ABI1: variants seen among roughly 807,000 people sequenced by gnomAD.
ABI1 encodes the protein Abelson interactor 1.
Under a neutral mutation model 54.6 loss-of-function variants are expected in ABI1, and 14 were observed. The ratio of observed to expected loss-of-function variants is 0.26; its 90% CI spans 0.17 to 0.40. The LOEUF is 0.40. Among genes scored for constraint, ABI1 ranks in the 10% least tolerant of loss-of-function variants. The probability of loss-of-function intolerance (pLI) is 1.00; values close to 1 mark genes in which losing one functional copy is unlikely to be tolerated. For synonymous variants in ABI1, 194 were observed against 209.3 expected (o/e 0.93, Z 0.63); for missense variants, 443 against 598.3 (o/e 0.74, Z 2.71).
intron 1 of ABI1, among the ~76,000 whole-genome samples, chr10:26,833,567 G>C (rs2048827781): frequency 6.6e-6 from 1 of 152,058 alleles, no homozygotes; most frequent in Admixed American, 6.6e-5. Context: ...ATTACTAATA[G>C]AAAATAGCTC....
At chr10:26,820,673 C>T (rs532270456) in intron 2 of ABI1, among the ~76,000 whole-genome samples, 2 of 151,328 alleles carry the variant, frequency 1.3e-5, no homozygotes, top group African/African-American at 4.9e-5. Context: ...CTGCAACCTC[C>T]GCCTCCCAGG....
chr10:26,796,378 T>C (rs1433766271), intron 2 of ABI1, among the ~76,000 whole-genome samples: 1 of 152,198 alleles, frequency 6.6e-6, no homozygotes, highest in African/African-American at 2.4e-5. Flanking sequence ...TATTGTACCT[T>C]TTCTATGTTT....
chr10:26,771,547 T>C (rs539394239), intron 3 of ABI1, among the ~76,000 whole-genome samples: 1 of 152,306 alleles, frequency 6.6e-6, no homozygotes, highest in East Asian at 1.9e-4. Context: ...TAGTATAGTT[T>C]AAAAAGTGAT....
At chr10:26,832,144 T>C (rs2048716808) in intron 1 of ABI1, among the ~76,000 whole-genome samples, 1 of 152,238 alleles carries the variant, frequency 6.6e-6, no homozygotes, top group Admixed American at 6.5e-5. Context: ...CCATGACCGC[T>C]GACTGGCTGA....
intron 2 of ABI1, among the ~76,000 whole-genome samples, chr10:26,800,148 C>A (rs2046453057): frequency 1.3e-5 from 2 of 152,050 alleles, no homozygotes; most frequent in South Asian, 4.1e-4. Context: ...CTTTGGGAGG[C>A]CAACCTAGGT....
intron 2 of ABI1, among the ~76,000 whole-genome samples, chr10:26,817,557 C>A (rs1361807364): frequency 1.3e-5 from 2 of 151,930 alleles, no homozygotes; most frequent in East Asian, 1.9e-4. Context: ...GGATCACTTG[C>A]GGATGGAGAG....
At chr10:26,819,265 T>C (rs1208650607) in intron 2 of ABI1, among the ~76,000 whole-genome samples, 1 of 151,410 alleles carries the variant, frequency 6.6e-6, no homozygotes, top group African/African-American at 2.4e-5. Flanking sequence ...AAAAAGAGGA[T>C]AAAAGGAAAG....
At chr10:26,807,701 T>C (rs1186342661) in intron 2 of ABI1, among the ~76,000 whole-genome samples, 1 of 152,212 alleles carries the variant, frequency 6.6e-6, no homozygotes, top group Non-Finnish European at 1.5e-5. Flanking sequence ...TTTCCAGCTG[T>C]TGTGGTCACC....
chr10:26,755,885 A>G (rs940041754), intron 8 of ABI1, 144 bp from the exon 9 acceptor site: 3 of 534,730 alleles, frequency 5.6e-6, no homozygotes, highest in Non-Finnish European at 9.5e-6. Context: ...AAAACAAAAA[A>G]CAAAACAAAA....
intron 2 of ABI1, among the ~76,000 whole-genome samples, chr10:26,778,445 A>G (rs991664569): frequency 2.0e-5 from 3 of 150,930 alleles, no homozygotes; most frequent in Non-Finnish European, 4.4e-5. Context: ...TTAAGGGGCA[A>G]TTGTGGCAGT....
chr10:26,837,306 T>C (rs72629733), intron 1 of ABI1, among the ~76,000 whole-genome samples: 3,256 of 152,274 alleles, frequency 0.021, 230 homozygotes, highest in East Asian at 0.2. Flanking sequence ...TGTCCTCACA[T>C]GGCAGAGAGA....
intron 2 of ABI1, among the ~76,000 whole-genome samples, chr10:26,790,193 T>C (rs1327069535): frequency 6.6e-6 from 1 of 152,214 alleles, no homozygotes; most frequent in Non-Finnish European, 1.5e-5. Context: ...CTCTAGGTCT[T>C]TGAGGATTCA....
At chr10:26,793,682 A>G (rs1843752869) in intron 2 of ABI1, among the ~76,000 whole-genome samples, 1 of 152,174 alleles carries the variant, frequency 6.6e-6, no homozygotes, top group African/African-American at 2.4e-5. Flanking sequence ...TTTTTGCCTA[A>G]TTTAGTGATA....
chr10:26,815,101 T>A (rs2047474803), intron 2 of ABI1, among the ~76,000 whole-genome samples: 1 of 152,054 alleles, frequency 6.6e-6, no homozygotes, highest in Non-Finnish European at 1.5e-5. Flanking sequence ...TAAAAAAAAA[T>A]TTCTTTCACT....
chr10:26,839,202 A>C (rs1239255473), intron 1 of ABI1, among the ~76,000 whole-genome samples: 2 of 152,318 alleles, frequency 1.3e-5, no homozygotes, highest in African/African-American at 4.8e-5. Context: ...TTCATGCCCA[A>C]ATAAATTTAA....
rs1317926306 is a variant in ABI1, at chr10:26,833,943, A to G, written c.118-10638T>C. ...TGACAAATTATTAAAAAATTAATAT[A>G]CTGGGGCCGGGCACAGTGGCTCATG... On this transcript the variant is annotated intron_variant, in intron 1 of 10. Transcript: ENST00000376140. Among the ~76,000 whole-genome samples, 6 of 152,272 alleles carry G rather than the reference A, an allele frequency of 3.9e-5. No individual in the cohort carries two copies. The East Asian group carries it at 5.8e-4, about 15-fold the overall frequency.
intron 2 of ABI1, among the ~76,000 whole-genome samples, chr10:26,811,712 C>A (rs1188154821): frequency 6.7e-6 from 1 of 149,774 alleles, no homozygotes; most frequent in Non-Finnish European, 1.5e-5. Flanking sequence ...CATGAAGAAC[C>A]AATCTCTGAC....
chr10:26,813,205 C>A (rs10829072), intron 2 of ABI1, among the ~76,000 whole-genome samples: 1 of 151,170 alleles, frequency 6.6e-6, no homozygotes, highest in Non-Finnish European at 1.5e-5. Context: ...GTCAAGATCA[C>A]GACACTGCAC....
rs149304080 is a variant in ABI1, at chr10:26,817,157, G to A, written c.285+5981C>T. 1.2e-3 allele frequency among the ~76,000 whole-genome samples: 184 copies of A among 151,782 alleles called. 2 individuals carry two copies. In the East Asian group the frequency reaches 0.027, roughly 22 times the overall value. On this transcript the variant is annotated intron_variant, in intron 2 of 10. Coordinates refer to ENST00000376140, the MANE Select transcript of ABI1 (RefSeq NM_001012750.3). ...TGGGATTACAGGTGCCTGCTAGCAC[G>A]CCCGCCTAATTTTTGTATTTTTAGT...
Sources: gnomAD v4.1 joint callset for allele counts (sites outside exome capture counted in the v4.1 genomes callset) on GRCh38, gnomAD v4.1.1 for gene constraint, MANE v1.5 for transcripts, NCBI Gene and HGNC (gene_info 2026-07-23, HGNC 2026-07-21) for gene names.